PPM1A: variants seen among roughly 807,000 people sequenced by gnomAD.
PPM1A encodes the protein protein phosphatase, Mg2+/Mn2+ dependent 1A.
Under a neutral mutation model 35.0 loss-of-function variants are expected in PPM1A, and 7 were observed. The ratio of observed to expected loss-of-function variants is 0.20; its 90% confidence interval spans 0.11 to 0.38. The LOEUF (loss-of-function observed/expected upper bound fraction) is 0.38. PPM1A is among the 10% of genes least tolerant of loss of function. The probability of loss-of-function intolerance (pLI) is 1.00; values close to 1 mark genes in which losing one functional copy is unlikely to be tolerated. For synonymous variants in PPM1A, 153 were observed against 167.3 expected, an observed-to-expected ratio of 0.91 and a Z score of 0.66; for missense variants, 239 against 467.8, an observed-to-expected ratio of 0.51 and a Z score of 4.51.
chr14:60,267,167 C>T (rs1315328078), intron 1 of PPM1A: 1 of 152,000 alleles, frequency 6.6e-6, no homozygotes, highest in Non-Finnish European at 1.5e-5. Flanking sequence ...TTTTGTTAGC[C>T]TTGGCTTATC....
rs572938424 is a variant in PPM1A, at chr14:60,292,225, C to G, written c.1120-228C>G. ...CATTTGGACAGCCTCATCATAAAAC[C>G]GCATTTCAAATATTTTCCAAAACAA... is the stretch of plus-strand genomic sequence containing the variant. On this transcript the variant is annotated intron_variant, in intron 5 of 5. Coordinates refer to ENST00000395076, the MANE Select transcript of PPM1A (RefSeq NM_021003.5). This position sits in a 1 kb window ranked among gnomAD's most constrained non-coding sequence, Gnocchi z 4.2. Among the ~76,000 whole-genome samples the G allele has an allele frequency of 6.6e-6, 1 of 151,896 alleles. No homozygotes were observed. Among genetic ancestry groups the G allele is most frequent in the Non-Finnish European group, 1.5e-5 (1 of 67,938 alleles).
At chr14:60,253,313 G>A (rs1021741151) in intron 1 of PPM1A, among the ~76,000 whole-genome samples, 4 of 152,094 alleles carry the variant, frequency 2.6e-5, no homozygotes, top group South Asian at 4.1e-4. Context: ...CATGAAAGCC[G>A]TACTTTCTTG....
At chr14:60,279,275 C>T (rs1283873830) in intron 1 of PPM1A, among the ~76,000 whole-genome samples, 1 of 152,142 alleles carries the variant, frequency 6.6e-6, no homozygotes, top group African/African-American at 2.4e-5. Context: ...CCAGCCACCA[C>T]ACCCGGCTAA....
intron 1 of PPM1A, among the ~76,000 whole-genome samples, chr14:60,274,320 A>G (rs1025074125): frequency 2.0e-5 from 3 of 152,156 alleles, no homozygotes; most frequent in Admixed American, 6.5e-5. Context: ...TTGATTTAGT[A>G]AAATGGCCAG....
Position 60,297,857 on chromosome 14 carries a change from C to A in PPM1A, c.*5375C>A, listed in dbSNP as rs1888173004. 1 of 151,536 alleles carries A rather than the reference C, an allele frequency of 6.6e-6. No individual in the cohort carries two copies. Among genetic ancestry groups the A allele is most frequent in the East Asian group, 1.9e-4 (1 of 5,194 alleles). The allele number at this position is 151,536 out of a possible 1,614,324, so 9.4% of individuals were successfully genotyped here. Reference sequence around the variant, plus strand: ...AAATGCGTATATAACATACATATCTCCCTAAAGTTTACAATATTGTAGTGG... The same window carrying A: ...AAATGCGTATATAACATACATATCTACCTAAAGTTTACAATATTGTAGTGG... On this transcript the variant is annotated 3_prime_UTR_variant, in exon 6 of 6. Transcript: ENST00000395076.
Position 60,249,744 on chromosome 14 carries a change from G to C in PPM1A, c.-21+67G>C. On this transcript the variant is annotated intron_variant, in intron 1 of 5. Coordinates refer to ENST00000395076, the MANE Select transcript of PPM1A (RefSeq NM_021003.5). The surrounding 1 kb of genome is among the most constrained non-coding windows in gnomAD (Gnocchi z 4.5). The stretch of plus-strand genomic sequence containing the variant: ...GCGGGCCTGCGCGGCGGCGGCGGCG[G>C]GCAGGCCTGGGGCCTGTAAACAAGC... The C allele has an allele frequency of 1.1e-6, 1 of 922,638 alleles. No homozygotes were observed. The highest frequency in any genetic ancestry group is 1.3e-6 in the Non-Finnish European group (1 of 773,138). The allele number at this position is 922,638 out of a possible 1,614,324, so 57.2% of individuals were successfully genotyped here.
At chr14:60,251,664 A>G (rs990491902) in intron 1 of PPM1A, among the ~76,000 whole-genome samples, 1 of 152,184 alleles carries the variant, frequency 6.6e-6, no homozygotes, top group African/African-American at 2.4e-5. Flanking sequence ...TGCCAAATAA[A>G]TGCCTGTTAT....
intron 3 of PPM1A, chr14:60,288,552 C>G (rs749910151): frequency 6.0e-5 from 59 of 979,774 alleles, no homozygotes; most frequent in Non-Finnish European, 6.8e-5. Context: ...CTTGGCAAAC[C>G]AAATCTGAGA....
intron 1 of PPM1A, among the ~76,000 whole-genome samples, chr14:60,280,879 G>A (rs1424714582): frequency 6.6e-6 from 1 of 152,188 alleles, no homozygotes; most frequent in Non-Finnish European, 1.5e-5. Flanking sequence ...CTGTTGCACA[G>A]CCATGGTAGA....
intron 3 of PPM1A, chr14:60,288,427 G>A: frequency 1.0e-6 from 1 of 984,624 alleles, no homozygotes; most frequent in Non-Finnish European, 1.2e-6. Flanking sequence ...TTTAGATTGT[G>A]AAATTGTGCA....
At chr14:60,262,519 AC>A (rs1227024857) in intron 1 of PPM1A, among the ~76,000 whole-genome samples, 1 of 152,126 alleles carries the variant, frequency 6.6e-6, no homozygotes, top group Non-Finnish European at 1.5e-5. Flanking sequence ...CCTTGTCTCT[AC>A]AAAAAAATTT....
At chr14:60,287,041 A>G (rs1404770802) in intron 3 of PPM1A, 8 of 937,862 alleles carry the variant, frequency 8.5e-6, no homozygotes, top group East Asian at 1.2e-4. Flanking sequence ...AATAATATGT[A>G]TAGGGATAAG....
chr14:60,265,592 T>C (rs2139408967), intron 1 of PPM1A, among the ~76,000 whole-genome samples: 1 of 152,330 alleles, frequency 6.6e-6, no homozygotes, highest in South Asian at 2.1e-4. Flanking sequence ...ACAAATCCAT[T>C]TGGTTGGAAG....
upstream of PPM1A, chr14:60,249,167 G>C (rs563029974): frequency 2.5e-4 from 237 of 930,450 alleles, 3 homozygotes; most frequent in East Asian, 0.022. The surrounding 1 kb of genome is among the most constrained non-coding windows in gnomAD (Gnocchi z 4.5). Context: ...GGGGCGAGCG[G>C]AGGGGTGGGG....
intron 1 of PPM1A, among the ~76,000 whole-genome samples, chr14:60,278,050 A>G (rs1205274362): frequency 6.6e-6 from 1 of 152,168 alleles, no homozygotes; most frequent in African/African-American, 2.4e-5. Flanking sequence ...ATCTTTTAGG[A>G]TTGGTGTGAA....
intron 4 of PPM1A, 130 bp downstream of exon 4, chr14:60,290,044 A>T: frequency 6.9e-6 from 4 of 576,652 alleles, no homozygotes; most frequent in East Asian, 3.6e-5. Flanking sequence ...TGTGATTTCA[A>T]TTTTTTTTTA....
At position 60,289,032 on chromosome 14, in the gene PPM1A, A is replaced by G. The variant is rs753199124; in HGVS notation, c.953-774A>G. 5.3e-5 allele frequency among the ~76,000 whole-genome samples: 8 copies of G among 152,228 alleles called. No individual in the cohort carries two copies. Among genetic ancestry groups the G allele is most frequent in the Admixed American group, 1.3e-4 (2 of 15,300 alleles). On this transcript the variant is annotated intron_variant, in intron 3 of 5. Coordinates refer to ENST00000395076, the MANE Select transcript of PPM1A (RefSeq NM_021003.5). This position sits in a 1 kb window ranked among gnomAD's most constrained non-coding sequence, Gnocchi z 4.1. Reference sequence around the variant, plus strand: ...AATAATAGTATGCATCTGCATGACAACACTGCAGATCATATTGCTGTGCCC... The same window carrying G: ...AATAATAGTATGCATCTGCATGACAGCACTGCAGATCATATTGCTGTGCCC...
chr14:60,257,218 G>T (rs1372889499), intron 1 of PPM1A, among the ~76,000 whole-genome samples: 1 of 152,126 alleles, frequency 6.6e-6, no homozygotes, highest in African/African-American at 2.4e-5. Flanking sequence ...GAAATTCTCA[G>T]TGAGTCTGAG....
chr14:60,283,882 G>A lies in PPM1A; in HGVS notation c.834+345G>A, dbSNP rs2139541184. ...GTGTCTATAAATGAAAAGCATTTTA[G>A]AGTTTTAATATTTGACCATGTGATA... On this transcript the variant is annotated intron_variant, in intron 2 of 5. Coordinates refer to ENST00000395076, the MANE Select transcript of PPM1A (RefSeq NM_021003.5). The surrounding 1 kb of genome is among the most constrained non-coding windows in gnomAD (Gnocchi z 6.3). 6.6e-6 allele frequency among the ~76,000 whole-genome samples: 1 copy of A among 152,328 alleles called. No individual in the cohort carries two copies. Among genetic ancestry groups the A allele is most frequent in the South Asian group, 2.1e-4 (1 of 4,828 alleles).
Sources: gnomAD v4.1 joint callset for allele counts (sites outside exome capture counted in the v4.1 genomes callset) on GRCh38, gnomAD v4.1.1 for gene constraint, Gnocchi (gnomAD v3.1) non-coding constraint, MANE v1.5 for transcripts, NCBI Gene and HGNC (gene_info 2026-07-23, HGNC 2026-07-21) for gene names.